Variants in SYBU observed in about 807,000 individuals in gnomAD.
SYBU encodes the protein GOLSYN A protein.
Under a neutral mutation model 35.9 loss-of-function variants are expected in SYBU, and 21 were observed. The ratio of observed to expected loss-of-function variants is 0.58; its 90% CI spans 0.41 to 0.84. SYBU has a LOEUF of 0.84. Ranked by LOEUF, SYBU falls within the 40% of genes least tolerant of loss-of-function variation. The probability of loss-of-function intolerance (pLI) is 0.00; values close to 1 mark genes in which losing one functional copy is unlikely to be tolerated. For missense variants in SYBU, 768 were observed against 848.2 expected, an observed-to-expected ratio of 0.91 and a Z score of 1.17; for synonymous variants, 319 against 324.3, an observed-to-expected ratio of 0.98 and a Z score of 0.18.
intron 3 of SYBU, among the ~76,000 whole-genome samples, chr8:109,618,188 C>T (rs955490296): frequency 1.3e-5 from 2 of 152,196 alleles, no homozygotes; most frequent in Admixed American, 1.3e-4. Context: ...AAATATACTG[C>T]ATGTGTATTT....
At chr8:109,629,965 G>A (rs1456254181) in intron 2 of SYBU, among the ~76,000 whole-genome samples, 1 of 151,930 alleles carries the variant, frequency 6.6e-6, no homozygotes. Context: ...GTCTGTTCAT[G>A]TCCTTTGCCC....
At chr8:109,658,115 T>C (rs1007746262) in intron 1 of SYBU, among the ~76,000 whole-genome samples, 9 of 152,166 alleles carry the variant, frequency 5.9e-5, no homozygotes, top group Non-Finnish European at 2.9e-5. Flanking sequence ...AGCAAACACA[T>C]TGTCCTTCTG....
intron 5 of SYBU, among the ~76,000 whole-genome samples, chr8:109,578,852 A>T (rs553318570): frequency 6.6e-6 from 1 of 152,278 alleles, no homozygotes; most frequent in South Asian, 2.1e-4. Flanking sequence ...TCTAAAATCA[A>T]TCCCTGCTGT....
intron 3 of SYBU, among the ~76,000 whole-genome samples, chr8:109,591,573 G>A (rs1415095202): frequency 5.0e-5 from 7 of 140,150 alleles, no homozygotes; most frequent in Admixed American, 7.3e-5. Flanking sequence ...GTGCAGTGGC[G>A]CAATCTCGGC....
chr8:109,668,202 G>GAGAGAGA (rs1177091524), intron 1 of SYBU, among the ~76,000 whole-genome samples: 1 of 150,236 alleles, frequency 6.7e-6, no homozygotes, highest in Non-Finnish European at 1.5e-5. Context: ...GAGAGAGAGA[G>GAGAGAGA]ACTTTTAATA....
chr8:109,625,649 T>A (rs7003744), intron 2 of SYBU, among the ~76,000 whole-genome samples: 4 of 152,118 alleles, frequency 2.6e-5, no homozygotes, highest in East Asian at 3.9e-4. Context: ...CTCAAACTCC[T>A]GAACTTAAGT....
chr8:109,596,509 C>T (rs1034221168), intron 3 of SYBU, among the ~76,000 whole-genome samples: 5 of 152,186 alleles, frequency 3.3e-5, no homozygotes, highest in African/African-American at 1.2e-4. Flanking sequence ...TTCACTTTTA[C>T]AAAGAATGAT....
chr8:109,640,470 G>A (rs890219888), intron 2 of SYBU, among the ~76,000 whole-genome samples: 1 of 152,114 alleles, frequency 6.6e-6, no homozygotes, highest in Non-Finnish European at 1.5e-5. Context: ...ATGTGGAACT[G>A]AGTTATGTAC....
chr8:109,667,377 C>G (rs1300762853), intron 1 of SYBU, among the ~76,000 whole-genome samples: 3 of 152,082 alleles, frequency 2.0e-5, no homozygotes, highest in Admixed American at 2.0e-4. Context: ...TCCTAAAGTG[C>G]TGGGATTACC....
rs1176575218 is a variant in SYBU at position 109,575,680 on chromosome 8, AG to A, written c.1217del (p.Pro406LeufsTer26). 1 of 1,613,914 alleles carries A rather than the reference AG, an allele frequency of 6.2e-7. No individual in the cohort carries two copies. The highest frequency in any genetic ancestry group is 8.5e-7 in the Non-Finnish European group (1 of 1,179,972). ...SPEKSLTLNP[P>X]LDTMADGLSL... Reference sequence around the variant, plus strand: ...ATAACCCATCTGCCATTGTGTCAAGAGGGGGGTTGAGGGTTAAGCTCTTCTC... The same window carrying A: ...ATAACCCATCTGCCATTGTGTCAAGAGGGGGTTGAGGGTTAAGCTCTTCTC... On this transcript the variant is annotated frameshift_variant, in exon 7 of 7. Transcript: ENST00000276646. LOFTEE classifies it low-confidence loss of function (END_TRUNC).
intron 1 of SYBU, among the ~76,000 whole-genome samples, chr8:109,668,821 A>G (rs1289025271): frequency 6.6e-6 from 1 of 152,202 alleles, no homozygotes; most frequent in African/African-American, 2.4e-5. Flanking sequence ...ATTCAAGCTT[A>G]ATAACTTATA....
chr8:109,636,678 G>A (rs578139991), intron 2 of SYBU, among the ~76,000 whole-genome samples: 16 of 151,918 alleles, frequency 1.1e-4, no homozygotes, highest in South Asian at 2.1e-4. Flanking sequence ...CCCTTTTGGC[G>A]TAACCCCAAA....
At chr8:109,673,828 G>A (rs185735734) in intron 1 of SYBU, among the ~76,000 whole-genome samples, 4 of 152,254 alleles carry the variant, frequency 2.6e-5, no homozygotes, top group Non-Finnish European at 5.9e-5. Flanking sequence ...CCAGTTTAGA[G>A]AAGAACATGA....
intron 1 of SYBU, among the ~76,000 whole-genome samples, chr8:109,671,040 C>T (rs1816961416): frequency 6.6e-6 from 1 of 152,108 alleles, no homozygotes; most frequent in Non-Finnish European, 1.5e-5. Context: ...TATGTATCTT[C>T]TAGATGAAGT....
chr8:109,656,859 CTAT>C (rs1816374658), intron 1 of SYBU, among the ~76,000 whole-genome samples: 1 of 151,994 alleles, frequency 6.6e-6, no homozygotes, highest in Non-Finnish European at 1.5e-5. Context: ...CACCCAAATA[CTAT>C]TATTTATTTT....
chr8:109,639,705 A>G (rs1424511631), intron 2 of SYBU, among the ~76,000 whole-genome samples: 2 of 152,212 alleles, frequency 1.3e-5, no homozygotes, highest in Non-Finnish European at 2.9e-5. Flanking sequence ...CTCTGACTTA[A>G]CTGCCGTGAT....
upstream of SYBU, chr8:109,644,851 C>T (rs905914024): frequency 1.6e-5 from 9 of 568,686 alleles, no homozygotes; most frequent in Non-Finnish European, 2.6e-5. Flanking sequence ...CGACCCCGCC[C>T]CGGCCGGACA....
At chr8:109,579,255 C>T (rs1822722843) in intron 5 of SYBU, among the ~76,000 whole-genome samples, 1 of 152,170 alleles carries the variant, frequency 6.6e-6, no homozygotes, top group Admixed American at 6.5e-5. Flanking sequence ...CTGCTCCACA[C>T]TCCCTACAAT....
chr8:109,615,828 G>A (rs918929043), intron 3 of SYBU, among the ~76,000 whole-genome samples: 1 of 151,898 alleles, frequency 6.6e-6, no homozygotes, highest in African/African-American at 2.4e-5. Context: ...CCCTGAAATG[G>A]TATGTGATAT....
Sources: allele counts gnomAD v4.1 joint callset (sites outside exome capture counted in the v4.1 genomes callset), GRCh38; gene constraint gnomAD v4.1.1; transcripts MANE v1.5; gene names NCBI Gene and HGNC (gene_info 2026-07-23, HGNC 2026-07-21).